Variants in PDGFD observed in about 807,000 individuals in gnomAD.
PDGFD encodes platelet-derived growth factor D.
A neutral mutation model predicts 44.7 loss-of-function variants in PDGFD; 30 were observed. The ratio of observed to expected loss-of-function variants is 0.67; its 90% CI spans 0.50 to 0.91. PDGFD has a LOEUF of 0.91. Ranked by LOEUF, PDGFD falls within the 40% of genes least tolerant of loss-of-function variation. PDGFD has a pLI of 0.00. For synonymous variants in PDGFD, 173 were observed against 168.4 expected, an observed-to-expected ratio of 1.03 and a Z score of -0.21; for missense variants, 445 against 457.8, an observed-to-expected ratio of 0.97 and a Z score of 0.25.
chr11:104,108,571 G>A lies in PDGFD; in HGVS notation c.124+55233C>T, dbSNP rs185556372. 1.9e-3 allele frequency among the ~76,000 whole-genome samples: 287 copies of A among 152,244 alleles called. 1 individual carries two copies. The highest frequency in any genetic ancestry group is 6.3e-3 in the African/African-American group (261 of 41,544). On this transcript the variant is annotated intron_variant, in intron 1 of 6. Transcript: ENST00000393158. ...AAACAACAGGTGCTGGAGAGGATGT[G>A]GAGAAATAGGAACACTTTTACACTG...
chr11:103,978,615 T>C (rs1859217735), intron 3 of PDGFD, among the ~76,000 whole-genome samples: 1 of 152,086 alleles, frequency 6.6e-6, no homozygotes, highest in Non-Finnish European at 1.5e-5. Flanking sequence ...ACTTACATTT[T>C]AGAAAGTGCT....
At chr11:104,150,103 A>C (rs980005126) in intron 1 of PDGFD, among the ~76,000 whole-genome samples, 2 of 152,186 alleles carry the variant, frequency 1.3e-5, no homozygotes, top group African/African-American at 4.8e-5. Flanking sequence ...GCAGATATGC[A>C]GCGGACTTGC....
chr11:104,024,762 G>A (rs988022582), intron 1 of PDGFD, among the ~76,000 whole-genome samples: 2 of 152,176 alleles, frequency 1.3e-5, no homozygotes, highest in Non-Finnish European at 2.9e-5. Flanking sequence ...TGACTGTACT[G>A]TCAAAGCAAT....
chr11:104,019,791 T>C (rs1192070434), intron 1 of PDGFD, among the ~76,000 whole-genome samples: 1 of 152,028 alleles, frequency 6.6e-6, no homozygotes, highest in Non-Finnish European at 1.5e-5. Flanking sequence ...TCTGTGTCTA[T>C]TATAGAAGGG....
chr11:103,939,898 C>T (rs938619502), intron 5 of PDGFD, among the ~76,000 whole-genome samples: 1 of 152,088 alleles, frequency 6.6e-6, no homozygotes, highest in East Asian at 1.9e-4. Flanking sequence ...TCCATTACCC[C>T]CTAGGAAACT....
intron 1 of PDGFD, among the ~76,000 whole-genome samples, chr11:104,043,261 G>C (rs1860388633): frequency 6.6e-6 from 1 of 152,170 alleles, no homozygotes; most frequent in Non-Finnish European, 1.5e-5. Flanking sequence ...CTGCATGTCA[G>C]GACCATTTTA....
chr11:103,931,498 G>T (rs906731574), intron 5 of PDGFD, among the ~76,000 whole-genome samples: 5 of 152,180 alleles, frequency 3.3e-5, no homozygotes, highest in Non-Finnish European at 5.9e-5. Context: ...AGAATCACAT[G>T]CTTTTTTCTC....
intron 1 of PDGFD, among the ~76,000 whole-genome samples, chr11:104,143,185 T>G (rs1373531024): frequency 1.3e-5 from 2 of 152,226 alleles, no homozygotes; most frequent in Non-Finnish European, 2.9e-5. Context: ...TGTTTTTTGT[T>G]TGTTTAATTT....
chr11:103,996,143 C>T lies in PDGFD; in HGVS notation c.432G>A (p.Thr144=), dbSNP rs570808064. ...KEVPPRIKSR[T]NQIKITFKSD... is the part of the protein sequence containing the mutation. ...ACTTGAATGTGATTTTAATTTGGTT[C>T]GTTCTTGATTTTATCCTTGGAGGAA... The change falls in exon 3 of 7, where the codon ACG becomes ACA. Residue 144 remains threonine, a synonymous_variant. Coordinates refer to ENST00000393158, the MANE Select transcript of PDGFD (RefSeq NM_025208.5). 14 of 1,613,598 alleles carry T rather than the reference C, an allele frequency of 8.7e-6. No individual in the cohort carries two copies. The highest frequency in any genetic ancestry group is 6.7e-5 in the East Asian group (3 of 44,800).
intron 3 of PDGFD, among the ~76,000 whole-genome samples, chr11:103,978,210 T>C (rs991967746): frequency 6.6e-6 from 1 of 152,116 alleles, no homozygotes; most frequent in Non-Finnish European, 1.5e-5. Context: ...GGAACAATGA[T>C]ATCTTCAGAA....
At chr11:104,071,622 T>C (rs564175404) in intron 1 of PDGFD, among the ~76,000 whole-genome samples, 2 of 152,026 alleles carry the variant, frequency 1.3e-5, no homozygotes, top group South Asian at 4.1e-4. Flanking sequence ...TTTGACTTTA[T>C]TTAAATTGCT....
intron 1 of PDGFD, among the ~76,000 whole-genome samples, chr11:104,056,210 T>A (rs1449418863): frequency 6.6e-6 from 1 of 152,190 alleles, no homozygotes; most frequent in African/African-American, 2.4e-5. Context: ...AAGTTGTGTC[T>A]TTTTTATATT....
At position 104,000,176 on chromosome 11, in the gene PDGFD, T is replaced by C; in HGVS notation, c.204A>G (p.Arg68=). ...VKGNGYVQSP[R]FPNSYPRNLL... ...GGTTCCTGGGGTAGCTGTTCGGGAA[T>C]CTAGGACTCTGCACGTAGCCGTTTC... Residue 68 remains arginine, a synonymous_variant, in exon 2 of 7, where the codon AGA becomes AGG. Coordinates refer to ENST00000393158, the MANE Select transcript of PDGFD (RefSeq NM_025208.5). 6.2e-7 allele frequency: 1 copy of C among 1,614,042 alleles called. No individual in the cohort carries two copies. Among genetic ancestry groups the C allele is most frequent in the Non-Finnish European group, 8.5e-7 (1 of 1,179,958 alleles).
chr11:104,152,210 T>A (rs529802814), intron 1 of PDGFD, among the ~76,000 whole-genome samples: 2 of 152,324 alleles, frequency 1.3e-5, no homozygotes, highest in South Asian at 4.1e-4. Context: ...CTTCCTGATG[T>A]ATTTAAATAA....
chr11:104,069,180 C>T (rs1860837907), intron 1 of PDGFD, among the ~76,000 whole-genome samples: 1 of 152,180 alleles, frequency 6.6e-6, no homozygotes, highest in African/African-American at 2.4e-5. Flanking sequence ...TCTTTCACGA[C>T]ACGGACACCT....
intron 1 of PDGFD, among the ~76,000 whole-genome samples, chr11:104,074,176 A>G (rs1358841428): frequency 6.6e-6 from 1 of 152,122 alleles, no homozygotes; most frequent in East Asian, 1.9e-4. Context: ...AGACCAACCA[A>G]TCCCAGGCAA....
chr11:104,081,737 T>C (rs1442932794), intron 1 of PDGFD, among the ~76,000 whole-genome samples: 1 of 152,150 alleles, frequency 6.6e-6, no homozygotes, highest in East Asian at 1.9e-4. Flanking sequence ...GCCTTTGACA[T>C]GATATCCAGT....
intron 1 of PDGFD, among the ~76,000 whole-genome samples, chr11:104,130,610 C>T (rs1398561283): frequency 1.3e-5 from 2 of 152,184 alleles, no homozygotes; most frequent in African/African-American, 4.8e-5. Flanking sequence ...TACTAGCCTT[C>T]TTTCTGTTCG....
chr11:103,985,578 G>A (rs1392904441), intron 3 of PDGFD, among the ~76,000 whole-genome samples: 1 of 151,712 alleles, frequency 6.6e-6, no homozygotes, highest in Non-Finnish European at 1.5e-5. Context: ...AAATATACAT[G>A]AGAAATGTAA....
Sources: gnomAD v4.1 joint callset for allele counts (sites outside exome capture counted in the v4.1 genomes callset) on GRCh38, gnomAD v4.1.1 for gene constraint, MANE v1.5 for transcripts, NCBI Gene and HGNC (gene_info 2026-07-23, HGNC 2026-07-21) for gene names.